The following RAD51 variants were observed in gnomAD, a reference collection of about 807,000 sequenced individuals.
RAD51 encodes the protein RAD51 recombinase, also known as DNA repair protein RAD51 homolog 1.
A neutral mutation model predicts 41.5 loss-of-function variants in RAD51; 14 were observed. The observed-to-expected ratio is 0.34, with a 90% CI of 0.22 to 0.53. The LOEUF (loss-of-function observed/expected upper bound fraction) is 0.53, where lower values mean the gene tolerates loss of function less well. Ranked by LOEUF, RAD51 falls within the 20% of genes least tolerant of loss-of-function variation. The pLI, the probability that RAD51 is intolerant of heterozygous loss-of-function variation, is 0.95. For synonymous variants in RAD51, 136 were observed against 148.6 expected, an observed-to-expected ratio of 0.92 and a Z score of 0.62; for missense variants, 234 against 422.0, an observed-to-expected ratio of 0.55 and a Z score of 3.90.
At chr15:40,698,706 A>G in intron 1 of RAD51, 51 bp from the exon 2 acceptor site, 1 of 1,521,052 alleles carries the variant, frequency 6.6e-7, no homozygotes, top group East Asian at 2.3e-5. Flanking sequence ...GGGGAGAGAG[A>G]TGCACCTTAT....
At chr15:40,700,908 A>G (rs2141818599) in intron 2 of RAD51, among the ~76,000 whole-genome samples, 156 bp from the exon 3 acceptor site, 1 of 152,310 alleles carries the variant, frequency 6.6e-6, no homozygotes, top group East Asian at 1.9e-4. Context: ...GGGTCCTGGA[A>G]CCAACTTCCC....
In RAD51 at chr15:40,731,331, T is replaced by C; in HGVS notation, c.*153T>C. On this transcript the variant is annotated 3_prime_UTR_variant, in exon 10 of 10. Coordinates refer to ENST00000267868, the MANE Select transcript of RAD51 (RefSeq NM_002875.5). ...TATTATATCAGCTTTTCTGATGGTA[T>C]AAACAGGAGACAGGTCAGTAGTCAC... 1.0e-6 allele frequency: 1 copy of C among 976,076 alleles called. No homozygotes were observed. The highest frequency in any genetic ancestry group is 2.6e-5 in the East Asian group (1 of 39,008). 60.5% of individuals were successfully genotyped at this position (976,076 alleles called of 1,614,324 possible). A position where few individuals can be genotyped will look rare whatever the true frequency, so the allele number is the denominator to read the frequency against.
intron 6 of RAD51, among the ~76,000 whole-genome samples, chr15:40,719,545 C>T (rs960200235): frequency 1.3e-5 from 2 of 152,146 alleles, no homozygotes; most frequent in Admixed American, 1.3e-4. Flanking sequence ...TTAAGGCAGA[C>T]ACATTGGCTG....
chr15:40,702,708 G>A (rs560784536), intron 3 of RAD51, among the ~76,000 whole-genome samples: 1 of 152,068 alleles, frequency 6.6e-6, no homozygotes, highest in East Asian at 1.9e-4. Flanking sequence ...AGTTGAGACG[G>A]GGTTTCACCA....
At chr15:40,722,562 A>G (rs1295067039) in intron 6 of RAD51, among the ~76,000 whole-genome samples, 1 of 152,094 alleles carries the variant, frequency 6.6e-6, no homozygotes, top group South Asian at 2.1e-4. Context: ...TCAGTTTGGG[A>G]TGATGAAAAA....
At chr15:40,725,436 A>C (rs1334652657) in intron 6 of RAD51, among the ~76,000 whole-genome samples, 1 of 152,246 alleles carries the variant, frequency 6.6e-6, no homozygotes, top group African/African-American at 2.4e-5. Flanking sequence ...AGAATGTCAC[A>C]AGGCCTCCTT....
chr15:40,729,558 C>G lies in RAD51; in HGVS notation c.698C>G (p.Ser233Trp), dbSNP rs751662795. 7 of 1,613,804 alleles carry G rather than the reference C, an allele frequency of 4.3e-6. No individual in the cohort carries two copies. Among genetic ancestry groups the G allele is most frequent in the Non-Finnish European group, 5.1e-6 (6 of 1,179,976 alleles). ...ACCGCCCTTTACAGAACAGACTACT[C>G]GGGTCGAGGTGAGCTTTCAGCCAGG... ...SATALYRTDY[S>W]GRGELSARQM... Residue 233 changes from serine to tryptophan, a missense_variant, in exon 8 of 10, where the codon TCG becomes TGG. Ser to Trp is a radical substitution (Grantham distance 177). This residue lies in a region of RAD51 where 134 missense variants were observed against 286.5 expected (regional missense o/e 0.47). Transcript: ENST00000267868.
At position 40,719,674 on chromosome 15, in the gene RAD51, TA is replaced by T. The variant is rs768909366; in HGVS notation, c.530+776del. ...AGTGAAACCTCGTCTCTATTAAAAA[TA>T]CAAAAAGTTAGCCGGGTGTGTTGGT... is the stretch of plus-strand genomic sequence containing the variant. On this transcript the variant is annotated intron_variant, in intron 6 of 9. Coordinates refer to ENST00000267868, the MANE Select transcript of RAD51 (RefSeq NM_002875.5). 2.5e-3 allele frequency among the ~76,000 whole-genome samples: 373 copies of T among 151,976 alleles called. 2 individuals are homozygous for T. Among genetic ancestry groups the T allele is most frequent in the Non-Finnish European group, 4.6e-3 (313 of 67,966 alleles).
intron 6 of RAD51, among the ~76,000 whole-genome samples, chr15:40,728,455 G>GA (rs34910367): frequency 1.6e-3 from 225 of 144,516 alleles, no homozygotes; most frequent in African/African-American, 4.9e-3. Context: ...CCGTCTCAAA[G>GA]AAAAAAAAAA....
chr15:40,721,125 G>C (rs1896247652), intron 6 of RAD51, among the ~76,000 whole-genome samples: 1 of 152,248 alleles, frequency 6.6e-6, no homozygotes, highest in Non-Finnish European at 1.5e-5. Context: ...AGAAGTTGCA[G>C]TGACCTGAGA....
chr15:40,729,263 C>T (rs1295047025), intron 7 of RAD51, among the ~76,000 whole-genome samples: 1 of 150,678 alleles, frequency 6.6e-6, no homozygotes, highest in African/African-American at 2.4e-5. Flanking sequence ...GTCCCAGCTA[C>T]TCCGGAGGCT....
chr15:40,708,720 C>A lies in RAD51; in HGVS notation c.344-305C>A, dbSNP rs45466791. ...CACCTTAGCTCCTGAGTAGCTGGTA[C>A]TACAGGCATCCGCCACCATGCCCGG... On this transcript the variant is annotated intron_variant, in intron 4 of 9. Transcript: ENST00000267868. Among the ~76,000 whole-genome samples, 30 of 152,078 alleles carry A rather than the reference C, an allele frequency of 2.0e-4. 1 individual carries two copies. Among genetic ancestry groups the A allele is most frequent in the African/African-American group, 7.0e-4 (29 of 41,470 alleles).
intron 4 of RAD51, among the ~76,000 whole-genome samples, chr15:40,707,316 C>CT (rs1224584164): frequency 4.0e-5 from 5 of 126,338 alleles, no homozygotes; most frequent in African/African-American, 9.1e-5. Context: ...TTTTCTTTCC[C>CT]TTTTTTTTGA....
At chr15:40,704,500 T>A (rs1895205592) in intron 3 of RAD51, among the ~76,000 whole-genome samples, 1 of 151,602 alleles carries the variant, frequency 6.6e-6, no homozygotes, top group Non-Finnish European at 1.5e-5. Context: ...TAGTTGGGAC[T>A]ACAGGCGCAC....
At position 40,731,710 on chromosome 15, in the gene RAD51, C is replaced by T. The variant is rs1896884099; in HGVS notation, c.*532C>T. On this transcript the variant is annotated 3_prime_UTR_variant, in exon 10 of 10. Coordinates refer to ENST00000267868, the MANE Select transcript of RAD51 (RefSeq NM_002875.5). The stretch of plus-strand genomic sequence containing the variant: ...GTTATGGAGTCTTGTGCCAAACCTA[C>T]TAGGCCATTAGCCCTTCACCATCTA... The T allele has an allele frequency of 4.3e-6, 1 of 231,376 alleles. No homozygotes were observed. The highest frequency in any genetic ancestry group is 8.6e-6 in the Non-Finnish European group (1 of 115,990). 14.3% of individuals were successfully genotyped at this position (231,376 alleles called of 1,614,324 possible).
At chr15:40,703,826 T>C (rs1438836287) in intron 3 of RAD51, among the ~76,000 whole-genome samples, 2 of 152,140 alleles carry the variant, frequency 1.3e-5, no homozygotes, top group Admixed American at 1.3e-4. Context: ...CTTAATAGTT[T>C]CTACCCTAAC....
chr15:40,696,397 G>C (rs879352345), intron 1 of RAD51, among the ~76,000 whole-genome samples: 7 of 152,068 alleles, frequency 4.6e-5, no homozygotes, highest in Admixed American at 2.0e-4. Context: ...AAGATAGTGA[G>C]ACCCGCATCT....
intron 5 of RAD51, among the ~76,000 whole-genome samples, chr15:40,717,280 G>T (rs747374411): frequency 6.6e-6 from 1 of 152,092 alleles, no homozygotes; most frequent in Non-Finnish European, 1.5e-5. Flanking sequence ...AGAGGTTGTG[G>T]TGAGGCAAGA....
chr15:40,717,918 G>A (rs1596006495), intron 5 of RAD51, among the ~76,000 whole-genome samples: 1 of 152,264 alleles, frequency 6.6e-6, no homozygotes, highest in South Asian at 2.1e-4. Context: ...GATCAGTCTT[G>A]TGTTGGTATG....
Sources: allele counts gnomAD v4.1 joint callset (sites outside exome capture counted in the v4.1 genomes callset), GRCh38; gene constraint gnomAD v4.1.1; regional missense constraint gnomAD v4.1.1; transcripts MANE v1.5; gene names NCBI Gene and HGNC (gene_info 2026-07-23, HGNC 2026-07-21).